IQSEC1: variants seen among roughly 807,000 people sequenced by gnomAD.
IQSEC1 encodes the protein IQ motif and Sec7 domain ArfGEF 1.
A neutral mutation model predicts 91.0 loss-of-function variants in IQSEC1; 31 were observed. The ratio of observed to expected loss-of-function variants is 0.34; its 90% CI spans 0.26 to 0.46. IQSEC1 has a LOEUF of 0.46. IQSEC1 is among the 20% of genes least tolerant of loss of function. The pLI is 1.00. For synonymous variants in IQSEC1, 699 were observed against 662.6 expected (o/e 1.05, Z -0.84); for missense variants, 1,388 against 1,575.6 (o/e 0.88, Z 2.02).
At chr3:13,067,243 C>G (rs867071896) in intron 1 of IQSEC1, among the ~76,000 whole-genome samples, 1 of 152,186 alleles carries the variant, frequency 6.6e-6, no homozygotes, top group Non-Finnish European at 1.5e-5. Flanking sequence ...AGCCATCCAA[C>G]AGGCTGGAAA....
chr3:13,221,124 C>T (rs1694651374), intron 1 of IQSEC1, among the ~76,000 whole-genome samples: 1 of 152,134 alleles, frequency 6.6e-6, no homozygotes. Context: ...GACACCATAG[C>T]AAGGCCTGGA....
intron 2 of IQSEC1, among the ~76,000 whole-genome samples, chr3:13,082,594 T>C (rs1705663103): frequency 6.6e-6 from 1 of 152,204 alleles, no homozygotes; most frequent in Admixed American, 6.5e-5. Context: ...GTCACTGGGC[T>C]CTCAGCATCT....
chr3:13,022,379 C>T (rs1429826944), intron 1 of IQSEC1: 2 of 1,145,436 alleles, frequency 1.7e-6, no homozygotes, highest in Non-Finnish European at 2.1e-6. Context: ...GGCCAAGCGG[C>T]CCTCACACAC....
Position 12,900,610 on chromosome 3 carries a change from ATTTCT to A in IQSEC1, c.*368_*372del, listed in dbSNP as rs1694156079. On this transcript the variant is annotated 3_prime_UTR_variant, in exon 14 of 14. Transcript: ENST00000613206. ...TTTGTTTTGTCTGTTTTTGTATCTC[ATTTCT>A]TCGTTTTCTAGGTTGGGTTTTCATA... 9.5e-7 allele frequency: 1 copy of A among 1,058,030 alleles called. No individual in the cohort carries two copies. Among genetic ancestry groups the A allele is most frequent in the Non-Finnish European group, 1.1e-6 (1 of 875,208 alleles). The allele number at this position is 1,058,030 out of a possible 1,614,324, so 65.5% of individuals were successfully genotyped here.
intron 1 of IQSEC1, among the ~76,000 whole-genome samples, chr3:13,267,956 C>T (rs983551835): frequency 6.6e-6 from 1 of 152,208 alleles, no homozygotes; most frequent in Non-Finnish European, 1.5e-5. Context: ...CTGTGCCCCC[C>T]CTTAACCAGC....
intron 2 of IQSEC1, among the ~76,000 whole-genome samples, chr3:13,108,042 A>G (rs201152260): frequency 2.6e-4 from 1 of 3,784 alleles, no homozygotes; most frequent in Non-Finnish European, 5.6e-4. Context: ...AGCATAAAGG[A>G]AAAAAAAGAA....
At chr3:13,263,769 C>T (rs1011549804) in intron 1 of IQSEC1, among the ~76,000 whole-genome samples, 7 of 152,110 alleles carry the variant, frequency 4.6e-5, no homozygotes, top group Middle Eastern at 3.4e-3. Context: ...AAAGTAGGTA[C>T]TCACCCAGTG....
chr3:13,178,987 G>T (rs937389638), intron 1 of IQSEC1, among the ~76,000 whole-genome samples: 2 of 152,208 alleles, frequency 1.3e-5, no homozygotes, highest in African/African-American at 4.8e-5. Flanking sequence ...CAGACAGTGA[G>T]ATGCAGGACC....
chr3:13,169,247 G>T (rs1214113245), intron 1 of IQSEC1, among the ~76,000 whole-genome samples: 1 of 152,186 alleles, frequency 6.6e-6, no homozygotes, highest in Non-Finnish European at 1.5e-5. Context: ...TTATAAGGGG[G>T]AGTTTCCCTG....
intron 1 of IQSEC1, among the ~76,000 whole-genome samples, chr3:13,060,662 C>T (rs1705033543): frequency 6.6e-6 from 1 of 152,226 alleles, no homozygotes; most frequent in Non-Finnish European, 1.5e-5. Flanking sequence ...GGCAAAGCCA[C>T]AGCTGCTGGG....
At chr3:13,062,335 C>T (rs1268168689) in intron 1 of IQSEC1, among the ~76,000 whole-genome samples, 2 of 152,198 alleles carry the variant, frequency 1.3e-5, no homozygotes, top group Non-Finnish European at 2.9e-5. Context: ...AGAGATACCA[C>T]AGGCCTTATT....
chr3:13,264,373 C>G (rs1695446857), intron 1 of IQSEC1, among the ~76,000 whole-genome samples: 1 of 152,234 alleles, frequency 6.6e-6, no homozygotes, highest in Non-Finnish European at 1.5e-5. Context: ...ACAGCAGGGG[C>G]AGAAGGGCGG....
intron 3 of IQSEC1, among the ~76,000 whole-genome samples, chr3:12,930,940 T>G (rs573525030): frequency 5.9e-5 from 9 of 152,080 alleles, no homozygotes; most frequent in African/African-American, 2.2e-4. Context: ...CAACCTAGGG[T>G]CCTGCAGAGA....
At chr3:12,926,171 G>A (rs1171812919) in intron 3 of IQSEC1, among the ~76,000 whole-genome samples, 2 of 152,158 alleles carry the variant, frequency 1.3e-5, no homozygotes, top group Non-Finnish European at 2.9e-5. Flanking sequence ...TTGGCTGGGC[G>A]TGGTATCTCA....
At chr3:13,160,237 C>T (rs1707152473) in intron 2 of IQSEC1, among the ~76,000 whole-genome samples, 1 of 152,238 alleles carries the variant, frequency 6.6e-6, no homozygotes, top group Non-Finnish European at 1.5e-5. Flanking sequence ...TCATTTGAGT[C>T]TAAAGAACAA....
At chr3:13,043,650 T>C (rs2125046137) in intron 1 of IQSEC1, among the ~76,000 whole-genome samples, 1 of 152,366 alleles carries the variant, frequency 6.6e-6, no homozygotes, top group East Asian at 1.9e-4. Context: ...GTTAACTGTC[T>C]TTCTCCTGAC....
chr3:12,920,186 G>C (rs1696489366), intron 6 of IQSEC1, among the ~76,000 whole-genome samples: 1 of 152,206 alleles, frequency 6.6e-6, no homozygotes, highest in Non-Finnish European at 1.5e-5. Context: ...CTGTGAGGAA[G>C]GTTTCCCAAC....
At chr3:13,235,051 C>T (rs1004359980) in intron 1 of IQSEC1, among the ~76,000 whole-genome samples, 1 of 152,096 alleles carries the variant, frequency 6.6e-6, no homozygotes, top group South Asian at 2.1e-4. Context: ...GGGGGTCTAG[C>T]GAGGTGGGCT....
intron 1 of IQSEC1, among the ~76,000 whole-genome samples, chr3:13,036,732 T>C (rs1405693438): frequency 1.3e-5 from 2 of 152,214 alleles, no homozygotes; most frequent in African/African-American, 2.4e-5. Context: ...CTTACTGAGC[T>C]GGCAGTTTGG....
Sources: allele counts gnomAD v4.1 joint callset (sites outside exome capture counted in the v4.1 genomes callset), GRCh38; gene constraint gnomAD v4.1.1; transcripts MANE v1.5; gene names NCBI Gene and HGNC (gene_info 2026-07-23, HGNC 2026-07-21).